The following KIAA0232 variants were observed in gnomAD, a reference collection of about 807,000 sequenced individuals.
KIAA0232 encodes the protein KIAA0232, also known as uncharacterized protein KIAA0232.
A neutral mutation model predicts 122.0 loss-of-function variants in KIAA0232; 27 were observed. The observed-to-expected ratio is 0.22, with a 90% confidence interval of 0.16 to 0.31. The LOEUF is 0.31. KIAA0232 is among the 10% of genes least tolerant of loss of function. The pLI is 1.00. For synonymous variants in KIAA0232, 613 were observed against 587.6 expected, an observed-to-expected ratio of 1.04 and a Z score of -0.63; for missense variants, 1,551 against 1,634.2, an observed-to-expected ratio of 0.95 and a Z score of 0.88.
chr4:6,825,395 A>T (rs1333127633), intron 3 of KIAA0232, among the ~76,000 whole-genome samples: 1 of 152,084 alleles, frequency 6.6e-6, no homozygotes, highest in Admixed American at 6.5e-5. Flanking sequence ...AAAAAGTATT[A>T]AAAAATTAGC....
rs376170631 is a variant in KIAA0232, at chr4:6,864,195, C to T, written c.3801+12C>T. On this transcript the variant is annotated intron_variant, in intron 7 of 9. Transcript: ENST00000307659. ...GACAGCTGGAAGAGGTATGTGTCTG[C>T]GTGTTGGTATTTGACAAAAGGATTT... is the stretch of plus-strand genomic sequence containing the variant. 17 of 1,587,006 alleles carry T rather than the reference C, an allele frequency of 1.1e-5. No individual in the cohort carries two copies. The highest frequency in any genetic ancestry group is 4.5e-5 in the East Asian group (2 of 44,674).
chr4:6,818,265 G>A (rs1397333253), intron 2 of KIAA0232, among the ~76,000 whole-genome samples: 2 of 152,032 alleles, frequency 1.3e-5, no homozygotes, highest in Non-Finnish European at 2.9e-5. Flanking sequence ...GCTGGGCATG[G>A]TGGTGGGCAT....
At chr4:6,876,937 G>C (rs1419160419) in intron 9 of KIAA0232, among the ~76,000 whole-genome samples, 180 bp downstream of exon 9, 1 of 152,052 alleles carries the variant, frequency 6.6e-6, no homozygotes, top group East Asian at 1.9e-4. Flanking sequence ...ATTCTCCCCC[G>C]CTTCCAAACC....
intron 9 of KIAA0232, among the ~76,000 whole-genome samples, chr4:6,877,184 G>C (rs1721801274): frequency 6.6e-6 from 1 of 152,012 alleles, no homozygotes; most frequent in Non-Finnish European, 1.5e-5. Flanking sequence ...TGTTGCCGCT[G>C]TCCCGGCTTC....
intron 4 of KIAA0232, among the ~76,000 whole-genome samples, chr4:6,854,177 C>A (rs1720451659): frequency 6.6e-6 from 1 of 152,154 alleles, no homozygotes; most frequent in African/African-American, 2.4e-5. Flanking sequence ...CGTACAAAAT[C>A]TAGAAATGAC....
intron 1 of KIAA0232, among the ~76,000 whole-genome samples, chr4:6,789,858 T>G (rs1716809734): frequency 6.6e-6 from 1 of 151,772 alleles, no homozygotes; most frequent in South Asian, 2.1e-4. Context: ...GAAACCCTGT[T>G]TCTACAAAAA....
chr4:6,844,677 C>G (rs1433748809), intron 4 of KIAA0232, among the ~76,000 whole-genome samples: 1 of 152,156 alleles, frequency 6.6e-6, no homozygotes, highest in Non-Finnish European at 1.5e-5. Context: ...CTCAGGTGAT[C>G]CACCTGCTTC....
At chr4:6,838,832 AAAAT>A (rs1339622379) in intron 3 of KIAA0232, among the ~76,000 whole-genome samples, 2 of 150,944 alleles carry the variant, frequency 1.3e-5, no homozygotes, top group Middle Eastern at 3.2e-3. Flanking sequence ...TGATACGTTT[AAAAT>A]AAATAAAGCT....
intron 4 of KIAA0232, among the ~76,000 whole-genome samples, chr4:6,848,522 A>G (rs1465569274): frequency 1.3e-5 from 2 of 152,142 alleles, no homozygotes; most frequent in South Asian, 2.1e-4. Context: ...TGTATTAGGT[A>G]TTACATGTCA....
At chr4:6,811,976 A>G (rs1305871666) in intron 2 of KIAA0232, among the ~76,000 whole-genome samples, 2 of 152,054 alleles carry the variant, frequency 1.3e-5, no homozygotes, top group Non-Finnish European at 2.9e-5. Flanking sequence ...CCATGATTAC[A>G]TTGAAATGTA....
chr4:6,792,376 T>C (rs1716934233), intron 1 of KIAA0232, among the ~76,000 whole-genome samples: 1 of 152,200 alleles, frequency 6.6e-6, no homozygotes, highest in Non-Finnish European at 1.5e-5. Context: ...CACCTTACTC[T>C]CAGCAGCCTT....
At chr4:6,879,876 AGG>A (rs1560215874) in intron 9 of KIAA0232, among the ~76,000 whole-genome samples, 2,643 of 24,218 alleles carry the variant, frequency 0.11, 407 homozygotes, top group Non-Finnish European at 0.2. Context: ...CCCAACACAC[AGG>A]TCTGCAGTGT....
Position 6,873,244 on chromosome 4 carries a change from A to G in KIAA0232, c.3910+1562A>G, listed in dbSNP as rs574553275. 3.3e-5 allele frequency among the ~76,000 whole-genome samples: 5 copies of G among 152,366 alleles called. No individual in the cohort carries two copies. In the South Asian group the frequency reaches 6.2e-4, roughly 19 times the overall value. ...TTTGCCCGAAATCACACAGTTAACT[A>G]TTAAGCATGGGCTAGAATGTAGGTT... On this transcript the variant is annotated intron_variant, in intron 8 of 9. Transcript: ENST00000307659.
chr4:6,787,480 T>A (rs530092694), intron 1 of KIAA0232, among the ~76,000 whole-genome samples: 1 of 152,224 alleles, frequency 6.6e-6, no homozygotes, highest in African/African-American at 2.4e-5. Flanking sequence ...CTTTGTGTAC[T>A]GCACATCCTT....
At chr4:6,833,369 C>A (rs190046909) in intron 3 of KIAA0232, among the ~76,000 whole-genome samples, 1 of 152,152 alleles carries the variant, frequency 6.6e-6, no homozygotes, top group African/African-American at 2.4e-5. Context: ...CTAGAACCTT[C>A]CCTATCCCTG....
At chr4:6,879,423 G>A (rs1022249976) in intron 9 of KIAA0232, among the ~76,000 whole-genome samples, 2 of 152,178 alleles carry the variant, frequency 1.3e-5, no homozygotes, top group Non-Finnish European at 2.9e-5. Context: ...TCACTTTGCT[G>A]TTGCATTTGA....
chr4:6,820,149 C>T (rs1718354004), intron 2 of KIAA0232, among the ~76,000 whole-genome samples: 1 of 152,118 alleles, frequency 6.6e-6, no homozygotes, highest in South Asian at 2.1e-4. Flanking sequence ...CTGTTGGGTA[C>T]TGTACTCAGT....
chr4:6,813,507 T>C (rs992782597), intron 2 of KIAA0232, among the ~76,000 whole-genome samples: 8 of 151,872 alleles, frequency 5.3e-5, no homozygotes, highest in South Asian at 2.1e-4. Flanking sequence ...GGACTACAGG[T>C]GCCTGCCACC....
intron 3 of KIAA0232, among the ~76,000 whole-genome samples, chr4:6,834,313 C>T (rs544042525): frequency 1.3e-5 from 2 of 152,208 alleles, no homozygotes; most frequent in South Asian, 2.1e-4. Context: ...ATTTATTGAC[C>T]ATATAGGTGC....
Sources: allele counts gnomAD v4.1 joint callset (sites outside exome capture counted in the v4.1 genomes callset), GRCh38; gene constraint gnomAD v4.1.1; transcripts MANE v1.5; gene names NCBI Gene and HGNC (gene_info 2026-07-23, HGNC 2026-07-21).